Variants in MAP7 observed in about 807,000 individuals in gnomAD.
The protein encoded by MAP7 is microtubule associated protein 7, also known as ensconsin.
A neutral mutation model predicts 94.8 loss-of-function variants in MAP7; 52 were observed. The observed-to-expected ratio is 0.55, with a 90% CI of 0.44 to 0.69. The LOEUF (loss-of-function observed/expected upper bound fraction) is 0.69. Ranked by LOEUF, MAP7 falls within the 30% of genes least tolerant of loss-of-function variation. MAP7 has a pLI of 0.00. For synonymous variants in MAP7, 350 were observed against 357.0 expected, an observed-to-expected ratio of 0.98 and a Z score of 0.22; for missense variants, 940 against 964.6, an observed-to-expected ratio of 0.97 and a Z score of 0.34.
Position 136,519,555 on chromosome 6 carries a change from C to G in MAP7, c.67+30787G>C, listed in dbSNP as rs3799460. ...GGACATTACAGTTGCTAGATCATCA[C>G]TTATCTGATAGGAATATAAATGGTA... On this transcript the variant is annotated intron_variant, in intron 1 of 17. Coordinates refer to ENST00000354570, the MANE Select transcript of MAP7 (RefSeq NM_003980.6). Among the ~76,000 whole-genome samples, 1,898 of 152,288 alleles carry G rather than the reference C, an allele frequency of 0.012. 84 individuals carry two copies. In the East Asian group the frequency reaches 0.14, roughly 11 times the overall value.
intron 1 of MAP7, among the ~76,000 whole-genome samples, chr6:136,504,112 T>TA (rs1820640861): frequency 6.6e-6 from 1 of 152,168 alleles, no homozygotes; most frequent in Non-Finnish European, 1.5e-5. Context: ...AGCAAACTGA[T>TA]ATGTTAATAT....
intron 1 of MAP7, among the ~76,000 whole-genome samples, chr6:136,532,742 G>C (rs1037311075): frequency 6.6e-5 from 10 of 152,248 alleles, no homozygotes; most frequent in Non-Finnish European, 1.0e-4. Context: ...AAAAAGCAAG[G>C]CTGAGATAAA....
chr6:136,350,871 A>G (rs1004900146), intron 16 of MAP7, among the ~76,000 whole-genome samples: 3 of 152,204 alleles, frequency 2.0e-5, no homozygotes, highest in Admixed American at 6.5e-5. Context: ...AAATAAAAAT[A>G]AAACAAAATA....
Position 136,550,298 on chromosome 6 carries a change from T to TC in MAP7, c.67+43dup, listed in dbSNP as rs1830053744. On this transcript the variant is annotated intron_variant, in intron 1 of 17. Coordinates refer to ENST00000354570, the MANE Select transcript of MAP7 (RefSeq NM_003980.6). The surrounding 1 kb of genome is among the most constrained non-coding windows in gnomAD (Gnocchi z 5.1). The stretch of plus-strand genomic sequence containing the variant: ...GCCAGCCCGCCGGCCCCGCTCGCCG[T>TC]CCCCTGCCCGACGGGACCCCCACTA... 2 of 1,439,752 alleles carry TC rather than the reference T, an allele frequency of 1.4e-6. No individual in the cohort carries two copies. The highest frequency in any genetic ancestry group is 5.9e-5 in the East Asian group (2 of 33,660). 89.2% of individuals were successfully genotyped at this position (1,439,752 alleles called of 1,614,324 possible). A position where few individuals can be genotyped will look rare whatever the true frequency, so the allele number is the denominator to read the frequency against.
intron 6 of MAP7, among the ~76,000 whole-genome samples, chr6:136,382,810 A>G (rs1373072566): frequency 6.6e-5 from 10 of 152,196 alleles, no homozygotes; most frequent in African/African-American, 1.9e-4. Flanking sequence ...AACTTTCCCA[A>G]TCAGTTTCTT....
chr6:136,362,839 C>T, intron 10 of MAP7, 137 bp from the exon 11 acceptor site: 1 of 1,359,454 alleles, frequency 7.4e-7, no homozygotes, highest in South Asian at 1.7e-5. Context: ...TGTGTGTTCT[C>T]ACGGTTTCAC....
rs79747365 is a variant in MAP7, at chr6:136,423,452, A to G, written c.68-1653T>C. On this transcript the variant is annotated intron_variant, in intron 1 of 17. Transcript: ENST00000354570. Reference sequence around the variant, plus strand: ...GCTTCTAGTTCCTCAGGGATTTGAGAGAAAGCAAACCTATGTTAACTTGGT... The same window carrying G: ...GCTTCTAGTTCCTCAGGGATTTGAGGGAAAGCAAACCTATGTTAACTTGGT... Among the ~76,000 whole-genome samples, 1,305 of 152,312 alleles carry G rather than the reference A, an allele frequency of 8.6e-3. 9 individuals carry two copies. The highest frequency in any genetic ancestry group is 0.017 in the Middle Eastern group (5 of 294).
intron 8 of MAP7, among the ~76,000 whole-genome samples, chr6:136,368,963 A>G (rs543377566): frequency 1.3e-5 from 2 of 152,372 alleles, no homozygotes; most frequent in Admixed American, 6.5e-5. Context: ...ATAATCTTGA[A>G]AAAGAACAAA....
chr6:136,544,070 T>A (rs984846677), intron 1 of MAP7, among the ~76,000 whole-genome samples: 4 of 151,990 alleles, frequency 2.6e-5, no homozygotes, highest in African/African-American at 9.7e-5. Flanking sequence ...TACAGATGTA[T>A]GCCACGACAC....
chr6:136,506,087 T>C (rs1303013514), intron 1 of MAP7, among the ~76,000 whole-genome samples: 3 of 152,212 alleles, frequency 2.0e-5, no homozygotes, highest in Non-Finnish European at 4.4e-5. Context: ...TTGAATGTAA[T>C]GTTAAAGAAA....
intron 1 of MAP7, among the ~76,000 whole-genome samples, chr6:136,473,562 C>T (rs755103328): frequency 1.2e-4 from 19 of 152,242 alleles, no homozygotes; most frequent in Admixed American, 4.6e-4. Context: ...AAGTATGTTT[C>T]TAAAATGCCT....
chr6:136,410,065 C>G (rs1562367579), intron 3 of MAP7, among the ~76,000 whole-genome samples: 1 of 152,086 alleles, frequency 6.6e-6, no homozygotes, highest in East Asian at 1.9e-4. Flanking sequence ...TTCGTGCTTT[C>G]CACAAAAAAC....
At chr6:136,453,218 AAATG>A (rs1181419500) in intron 1 of MAP7, among the ~76,000 whole-genome samples, 1 of 152,214 alleles carries the variant, frequency 6.6e-6, no homozygotes, top group Non-Finnish European at 1.5e-5. Context: ...AAGCCACTGG[AAATG>A]AATGGAGATA....
chr6:136,417,997 C>T (rs771060563), intron 2 of MAP7, among the ~76,000 whole-genome samples: 12 of 152,172 alleles, frequency 7.9e-5, no homozygotes, highest in Non-Finnish European at 1.8e-4. Context: ...GGAAGTCAAA[C>T]TATTAATCAT....
At chr6:136,547,620 T>C (rs1237387770) in intron 1 of MAP7, among the ~76,000 whole-genome samples, 2 of 152,028 alleles carry the variant, frequency 1.3e-5, no homozygotes, top group Non-Finnish European at 2.9e-5. Flanking sequence ...GCAAGAAAAA[T>C]ATTATATTGG....
chr6:136,520,841 CA>C (rs781667183), intron 1 of MAP7, among the ~76,000 whole-genome samples: 6 of 152,180 alleles, frequency 3.9e-5, no homozygotes, highest in Non-Finnish European at 1.5e-5. Context: ...GCAAATGCAA[CA>C]AGCACTTTGG....
Position 136,362,607 on chromosome 6 carries a change from G to A in MAP7, c.1369C>T (p.Pro457Ser). Residue 457 changes from proline to serine, a missense_variant, in exon 11 of 18, where the codon CCG (proline) becomes TCG (serine). Pro to Ser is a moderately conservative substitution (Grantham distance 74, BLOSUM62 -1). Coordinates refer to ENST00000354570, the MANE Select transcript of MAP7 (RefSeq NM_003980.6). ...GCACTGGCATTCACAGTGGATGACGGGGCTGAGACCATGGCTGGGGTGGGG... is the reference window on the plus strand; with the variant it reads ...GCACTGGCATTCACAGTGGATGACGAGGCTGAGACCATGGCTGGGGTGGGG... ...PVPTPAMVSA[P>S]SSTVNASASV... 1.2e-6 allele frequency: 2 copies of A among 1,613,940 alleles called. No individual in the cohort carries two copies.
chr6:136,399,408 A>G (rs542522717), intron 3 of MAP7, among the ~76,000 whole-genome samples: 1 of 152,232 alleles, frequency 6.6e-6, no homozygotes, highest in East Asian at 1.9e-4. Context: ...ACAATGGGAT[A>G]GTAATGGCTC....
intron 1 of MAP7, among the ~76,000 whole-genome samples, chr6:136,441,871 G>A (rs1383760664): frequency 6.6e-6 from 1 of 151,938 alleles, no homozygotes; most frequent in African/African-American, 2.4e-5. Flanking sequence ...AATTAGTTGG[G>A]CATGGTGGTG....
Sources: gnomAD v4.1 joint callset for allele counts (sites outside exome capture counted in the v4.1 genomes callset) on GRCh38, gnomAD v4.1.1 for gene constraint, Gnocchi (gnomAD v3.1) non-coding constraint, MANE v1.5 for transcripts, NCBI Gene and HGNC (gene_info 2026-07-23, HGNC 2026-07-21) for gene names.